The following KCNH7 variants were observed in gnomAD, a reference collection of about 807,000 sequenced individuals.
KCNH7 encodes the protein potassium voltage-gated channel subfamily H member 7.
KCNH7 carries 49 observed loss-of-function variants against 120.8 expected under a neutral mutation model. The ratio of observed to expected loss-of-function variants is 0.41; its 90% CI spans 0.32 to 0.51. KCNH7 has a LOEUF of 0.51. Among genes scored for constraint, KCNH7 ranks in the 20% least tolerant of loss-of-function variants. KCNH7 has a pLI of 0.38. For missense variants in KCNH7, 1,097 were observed against 1,446.6 expected, an observed-to-expected ratio of 0.76 and a Z score of 3.92; for synonymous variants, 547 against 516.1, an observed-to-expected ratio of 1.06 and a Z score of -0.81.
In KCNH7 at chr2:162,679,717, TTATC is replaced by T. The variant is rs536648621; in HGVS notation, c.308-142641_308-142638del. 7.8e-4 allele frequency among the ~76,000 whole-genome samples: 119 copies of T among 151,768 alleles called. 1 individual carries two copies. Among genetic ancestry groups the T allele is most frequent in the Middle Eastern group, 3.4e-3 (1 of 294 alleles). On this transcript the variant is annotated intron_variant, in intron 2 of 15. Coordinates refer to ENST00000332142, the MANE Select transcript of KCNH7 (RefSeq NM_033272.4). ...AAATGCTTTACAGTGTTGTTTTTAATTATCTATCTTTCAGGGTGAAAAACAAGGC... is the reference window on the plus strand; with the variant it reads ...AAATGCTTTACAGTGTTGTTTTTAATTATCTTTCAGGGTGAAAAACAAGGC...
chr2:162,524,602 T>C (rs997848208), intron 3 of KCNH7, among the ~76,000 whole-genome samples: 7 of 152,006 alleles, frequency 4.6e-5, no homozygotes, highest in Admixed American at 3.9e-4. Flanking sequence ...ATCCTTCTAA[T>C]GTCAGAGTAC....
chr2:162,606,893 C>T (rs1033295812), intron 2 of KCNH7, among the ~76,000 whole-genome samples: 7 of 151,740 alleles, frequency 4.6e-5, no homozygotes, highest in African/African-American at 9.7e-5. Context: ...AAGATAAAAG[C>T]GAGAAACAGC....
chr2:162,674,491 G>T (rs1437313723), intron 2 of KCNH7, among the ~76,000 whole-genome samples: 2 of 151,516 alleles, frequency 1.3e-5, no homozygotes, highest in Admixed American at 6.6e-5. Flanking sequence ...AAATTAAAAA[G>T]CTTATTCTTA....
At chr2:162,525,145 C>T (rs1389207075) in intron 3 of KCNH7, among the ~76,000 whole-genome samples, 2 of 151,858 alleles carry the variant, frequency 1.3e-5, no homozygotes, top group Non-Finnish European at 2.9e-5. Flanking sequence ...ACTAAGAATC[C>T]TGTGACATTT....
At chr2:162,566,665 G>C (rs1693267514) in intron 2 of KCNH7, among the ~76,000 whole-genome samples, 1 of 152,042 alleles carries the variant, frequency 6.6e-6, no homozygotes. Context: ...AGACCAGGTA[G>C]TTTTTGCTTG....
intron 2 of KCNH7, among the ~76,000 whole-genome samples, chr2:162,711,955 C>T (rs1283381671): frequency 6.6e-6 from 1 of 152,122 alleles, no homozygotes; most frequent in Non-Finnish European, 1.5e-5. Flanking sequence ...AGAGCAGTTT[C>T]TTGGTCTTCT....
At chr2:162,509,351 A>T (rs1315792885) in intron 5 of KCNH7, among the ~76,000 whole-genome samples, 2 of 151,536 alleles carry the variant, frequency 1.3e-5, no homozygotes, top group Non-Finnish European at 3.0e-5. Flanking sequence ...GGAGGGCCAA[A>T]TGTGATAGGA....
chr2:162,814,070 T>G (rs1455780925), intron 2 of KCNH7, among the ~76,000 whole-genome samples: 4 of 152,160 alleles, frequency 2.6e-5, no homozygotes, highest in African/African-American at 9.7e-5. Context: ...CAAGCGACCT[T>G]GGGCAATTGC....
intron 2 of KCNH7, among the ~76,000 whole-genome samples, chr2:162,826,722 G>A (rs1685301724): frequency 1.3e-5 from 2 of 152,124 alleles, no homozygotes; most frequent in South Asian, 4.1e-4. Flanking sequence ...GTTCTCGTAA[G>A]TCTGTTCTTT....
intron 2 of KCNH7, among the ~76,000 whole-genome samples, chr2:162,788,168 A>G (rs904968342): frequency 1.3e-5 from 2 of 152,218 alleles, no homozygotes; most frequent in Non-Finnish European, 2.9e-5. Flanking sequence ...CTGTGTGGCA[A>G]TAATTAAAAA....
At chr2:162,554,418 T>C (rs1045995696) in intron 2 of KCNH7, among the ~76,000 whole-genome samples, 2 of 152,108 alleles carry the variant, frequency 1.3e-5, no homozygotes, top group African/African-American at 4.8e-5. Context: ...GTCCTTTTAT[T>C]ATTATTATTA....
rs1559113953 is a variant in KCNH7, at chr2:162,748,924, T to TC, written c.307+87612dup. On this transcript the variant is annotated intron_variant, in intron 2 of 15. Coordinates refer to ENST00000332142, the MANE Select transcript of KCNH7 (RefSeq NM_033272.4). ...CTTCCTTCCTTCCTTCCCTTCCCTT[T>TC]CCTTTCCTTCCTTCCTTCCTTCCTT... Among the ~76,000 whole-genome samples, 8 of 58,050 alleles carry TC rather than the reference T, an allele frequency of 1.4e-4. 1 individual carries two copies. The East Asian group carries it at 6.0e-3, about 43-fold the overall frequency. 38.1% of individuals were successfully genotyped at this position (58,050 alleles called of 152,430 possible).
chr2:162,562,276 T>G (rs1693099419), intron 2 of KCNH7, among the ~76,000 whole-genome samples: 1 of 152,160 alleles, frequency 6.6e-6, no homozygotes, highest in African/African-American at 2.4e-5. Flanking sequence ...TTAATAAAAA[T>G]TGATGGTTGA....
intron 2 of KCNH7, among the ~76,000 whole-genome samples, chr2:162,581,795 T>C (rs966353086): frequency 6.6e-6 from 1 of 152,062 alleles, no homozygotes. Flanking sequence ...TCTTACTTTA[T>C]TGAAAATTGG....
chr2:162,567,666 T>A (rs928797277), intron 2 of KCNH7, among the ~76,000 whole-genome samples: 9 of 152,054 alleles, frequency 5.9e-5, no homozygotes, highest in Non-Finnish European at 1.2e-4. Context: ...TCCCCTGTTT[T>A]ATTCACTGGC....
chr2:162,775,107 A>G (rs1376614398), intron 2 of KCNH7, among the ~76,000 whole-genome samples: 1 of 152,132 alleles, frequency 6.6e-6, no homozygotes. Context: ...AATACATATA[A>G]CCATATTGTT....
intron 2 of KCNH7, among the ~76,000 whole-genome samples, chr2:162,546,698 A>T (rs1692491571): frequency 6.6e-6 from 1 of 152,138 alleles, no homozygotes; most frequent in African/African-American, 2.4e-5. Context: ...AGGGAGTTAC[A>T]AACAATGTGA....
chr2:162,655,662 G>A (rs577520498), intron 2 of KCNH7, among the ~76,000 whole-genome samples: 6 of 152,100 alleles, frequency 3.9e-5, no homozygotes, highest in East Asian at 3.9e-4. Context: ...GCGTGGTGGC[G>A]CGCGCTTGTA....
At chr2:162,433,737 T>C (rs1688145490) in intron 8 of KCNH7, among the ~76,000 whole-genome samples, 1 of 151,876 alleles carries the variant, frequency 6.6e-6, no homozygotes, top group Non-Finnish European at 1.5e-5. Context: ...GTGGAGAAAA[T>C]GGAATGCTTA....
Sources: allele counts gnomAD v4.1 joint callset (sites outside exome capture counted in the v4.1 genomes callset), GRCh38; gene constraint gnomAD v4.1.1; transcripts MANE v1.5; gene names NCBI Gene and HGNC (gene_info 2026-07-23, HGNC 2026-07-21).